Variants in FOXN3 observed in about 807,000 individuals in gnomAD.
FOXN3 encodes forkhead box N3.
FOXN3 carries 7 observed loss-of-function variants against 38.4 expected under a neutral mutation model. The observed-to-expected ratio is 0.18, with a 90% CI of 0.10 to 0.34. FOXN3 has a LOEUF of 0.34. FOXN3 is among the 10% of genes least tolerant of loss of function. The probability of loss-of-function intolerance (pLI) is 1.00; values close to 1 mark genes in which losing one functional copy is unlikely to be tolerated. For synonymous variants in FOXN3, 230 were observed against 242.2 expected (o/e 0.95, Z 0.47); for missense variants, 456 against 613.4 (o/e 0.74, Z 2.71).
Position 89,538,775 on chromosome 14 carries a change from C to T in FOXN3, c.-15+80253G>A, listed in dbSNP as rs536620004. Among the ~76,000 whole-genome samples the T allele has an allele frequency of 1.6e-4, 25 of 152,236 alleles. 1 individual carries two copies. The East Asian group carries it at 4.4e-3, about 27-fold the overall frequency. Reference sequence around the variant, plus strand: ...TCAGGTGATCCGCCCGCCTCAGCCTCCCAAAAGAGCTGGAATTACAGGCAT... The same window carrying T: ...TCAGGTGATCCGCCCGCCTCAGCCTTCCAAAAGAGCTGGAATTACAGGCAT... On this transcript the variant is annotated intron_variant, in intron 1 of 6. Coordinates refer to the FOXN3 transcript ENST00000345097.
chr14:89,373,254 A>G (rs1043047291), intron 2 of FOXN3, among the ~76,000 whole-genome samples: 7 of 152,234 alleles, frequency 4.6e-5, no homozygotes, highest in South Asian at 4.1e-4. Context: ...TCAGGGTTCT[A>G]TAAGGAACAA....
intron 1 of FOXN3, among the ~76,000 whole-genome samples, chr14:89,416,309 C>G (rs542072467): frequency 6.6e-6 from 1 of 152,362 alleles, no homozygotes; most frequent in African/African-American, 2.4e-5. Flanking sequence ...CCTTCACTGC[C>G]GGTCAGATGT....
rs185101857 is a variant in FOXN3, at chr14:89,431,700, C to T, written c.-14-19210G>A. ...AGAGATTTCTCATTATCCACTGCCC[C>T]AACACAAGCATAGTGCTGTGGTTGT... On this transcript the variant is annotated intron_variant, in intron 1 of 6. Transcript: ENST00000345097. Among the ~76,000 whole-genome samples the T allele has an allele frequency of 4.6e-5, 7 of 152,216 alleles. No homozygotes were observed. In the East Asian group the frequency reaches 9.7e-4, roughly 21 times the overall value.
chr14:89,608,422 G>C (rs138807721), intron 1 of FOXN3, among the ~76,000 whole-genome samples: 2,071 of 152,292 alleles, frequency 0.014, 25 homozygotes, highest in African/African-American at 0.046. Context: ...TTACAGGCGT[G>C]GGCCACCGCG....
At chr14:89,427,554 G>A (rs917198812) in intron 1 of FOXN3, among the ~76,000 whole-genome samples, 1 of 148,026 alleles carries the variant, frequency 6.8e-6, no homozygotes, top group Non-Finnish European at 1.5e-5. Context: ...CCTAGACCTC[G>A]TGATCCACCT....
At chr14:89,375,035 A>C (rs1890435178) in intron 2 of FOXN3, among the ~76,000 whole-genome samples, 1 of 152,118 alleles carries the variant, frequency 6.6e-6, no homozygotes, top group Non-Finnish European at 1.5e-5. Context: ...ATTCTAGAAA[A>C]AAACTAATCT....
At chr14:89,496,769 C>G (rs1168245096) in intron 1 of FOXN3, among the ~76,000 whole-genome samples, 2 of 152,170 alleles carry the variant, frequency 1.3e-5, no homozygotes, top group African/African-American at 4.8e-5. Flanking sequence ...ACCTAGCACA[C>G]AATCACTCCC....
chr14:89,559,194 C>A (rs1895195452), intron 1 of FOXN3, among the ~76,000 whole-genome samples: 1 of 72,544 alleles, frequency 1.4e-5, no homozygotes, highest in Admixed American at 2.3e-4. Context: ...GTGAGACCGC[C>A]CCCCGCCCAA....
chr14:89,562,362 G>C (rs911707083), intron 1 of FOXN3, among the ~76,000 whole-genome samples: 12 of 152,186 alleles, frequency 7.9e-5, no homozygotes, highest in Admixed American at 6.5e-4. Flanking sequence ...CCAGGTTCAA[G>C]CAATTCTCAT....
intron 1 of FOXN3, among the ~76,000 whole-genome samples, chr14:89,529,639 T>C (rs1894512723): frequency 6.6e-6 from 1 of 152,224 alleles, no homozygotes; most frequent in South Asian, 2.1e-4. Flanking sequence ...ATTAGACTCC[T>C]ATCCAGGAAG....
At chr14:89,324,907 T>C (rs535313968) in intron 3 of FOXN3, among the ~76,000 whole-genome samples, 4 of 152,200 alleles carry the variant, frequency 2.6e-5, no homozygotes, top group Non-Finnish European at 4.4e-5. Flanking sequence ...TCTGAGATTC[T>C]GCATTTCTCC....
intron 1 of FOXN3, among the ~76,000 whole-genome samples, chr14:89,584,472 G>A (rs1247528687): frequency 6.6e-6 from 1 of 152,168 alleles, no homozygotes; most frequent in Non-Finnish European, 1.5e-5. Flanking sequence ...TACAATGACT[G>A]TGGTTACCCA....
intron 1 of FOXN3, among the ~76,000 whole-genome samples, chr14:89,533,678 A>G (rs1894624470): frequency 6.6e-6 from 1 of 151,494 alleles, no homozygotes; most frequent in African/African-American, 2.4e-5. Context: ...AAAAAAAAAA[A>G]AAAAAAAAAA....
At chr14:89,415,117 G>C (rs1034384146) in intron 1 of FOXN3, among the ~76,000 whole-genome samples, 11 of 152,090 alleles carry the variant, frequency 7.2e-5, no homozygotes, top group African/African-American at 2.7e-4. Flanking sequence ...GATCCCATCA[G>C]AAAATTTTCT....
intron 5 of FOXN3, among the ~76,000 whole-genome samples, chr14:89,167,114 T>C (rs1451118561): frequency 6.6e-6 from 1 of 152,242 alleles, no homozygotes; most frequent in South Asian, 2.1e-4. Context: ...GTTTAAAGCA[T>C]GTGGCTCAAC....
chr14:89,537,302 G>T (rs1036513718), intron 1 of FOXN3, among the ~76,000 whole-genome samples: 25 of 107,448 alleles, frequency 2.3e-4, no homozygotes, highest in African/African-American at 8.9e-4. Context: ...TGGATGGTCT[G>T]TTCCATCCAA....
intron 2 of FOXN3, among the ~76,000 whole-genome samples, chr14:89,363,957 T>TATAA (rs1191600025): frequency 0.033 from 151 of 4,564 alleles, 7 homozygotes; most frequent in African/African-American, 0.044. Flanking sequence ...AATATATATA[T>TATAA]ATATATATAT....
chr14:89,552,882 C>T (rs1461839697), intron 1 of FOXN3, among the ~76,000 whole-genome samples: 1 of 152,136 alleles, frequency 6.6e-6, no homozygotes, highest in Non-Finnish European at 1.5e-5. Context: ...AAGAGCGAGA[C>T]TCCGTCTCCA....
At chr14:89,379,548 C>G (rs1458185448) in intron 2 of FOXN3, among the ~76,000 whole-genome samples, 1 of 152,178 alleles carries the variant, frequency 6.6e-6, no homozygotes, top group Admixed American at 6.5e-5. Flanking sequence ...CAGTTAAGAA[C>G]CACTGCTCCA....
Sources: gnomAD v4.1 joint callset for allele counts (sites outside exome capture counted in the v4.1 genomes callset) on GRCh38, gnomAD v4.1.1 for gene constraint, MANE v1.5 for transcripts, NCBI Gene and HGNC (gene_info 2026-07-23, HGNC 2026-07-21) for gene names.